SVEP1: variants seen among roughly 807,000 people sequenced by gnomAD.
SVEP1 encodes sushi, von Willebrand factor type A, EGF and pentraxin domain-containing protein 1.
SVEP1 carries 164 observed loss-of-function variants against 367.3 expected under a neutral mutation model. The ratio of observed to expected loss-of-function variants is 0.45; its 90% confidence interval spans 0.39 to 0.51. The LOEUF is 0.51. Ranked by LOEUF, SVEP1 falls within the 20% of genes least tolerant of loss-of-function variation. The pLI, the probability that SVEP1 is intolerant of heterozygous loss-of-function variation, is 0.00. For synonymous variants in SVEP1, 1,666 were observed against 1,611.6 expected, an observed-to-expected ratio of 1.03 and a Z score of -0.81; for missense variants, 4,117 against 4,425.3, an observed-to-expected ratio of 0.93 and a Z score of 1.98.
At chr9:110,457,054 C>T (rs961195577) in intron 21 of SVEP1, among the ~76,000 whole-genome samples, 6 of 152,020 alleles carry the variant, frequency 3.9e-5, no homozygotes, top group East Asian at 1.9e-4. Context: ...TATTCTTTAT[C>T]CAAAATAGGC....
intron 43 of SVEP1, 61 bp from the exon 44 acceptor site, chr9:110,379,578 T>C: frequency 6.5e-7 from 1 of 1,547,172 alleles, no homozygotes; most frequent in Admixed American, 1.9e-5. Flanking sequence ...GAACACAGTC[T>C]CATCTCTCAG....
chr9:110,514,000 A>C lies in SVEP1; in HGVS notation c.1071T>G (p.Pro357=). ...ATCCCTCTCTGCAGACACAGTCTTC[A>C]GGGGATGTGCTTCCAGGTGGAGAGG... The part of the protein sequence containing the change: ...NHTSPPGSTS[P]EDCVCREGYR... Residue 357 remains proline (P), a synonymous_variant, in exon 4 of 48, where the codon CCT becomes CCG. Transcript: ENST00000374469. 6.2e-7 allele frequency: 1 copy of C among 1,613,052 alleles called. No individual in the cohort carries two copies. Among genetic ancestry groups the C allele is most frequent in the South Asian group, 1.1e-5 (1 of 90,716 alleles).
At chr9:110,426,918 G>A (rs1315555583) in intron 36 of SVEP1, among the ~76,000 whole-genome samples, 1 of 152,088 alleles carries the variant, frequency 6.6e-6, no homozygotes, top group African/African-American at 2.4e-5. Flanking sequence ...CCTCCCTGTA[G>A]ATATGTCATC....
At chr9:110,564,543 G>A (rs549146096) in intron 1 of SVEP1, among the ~76,000 whole-genome samples, 139 of 152,092 alleles carry the variant, frequency 9.1e-4, no homozygotes, top group Non-Finnish European at 1.6e-3. Flanking sequence ...TTTTAAGTTC[G>A]TGAACTTACT....
intron 23 of SVEP1, 52 bp downstream of exon 23, chr9:110,451,237 G>A: frequency 2.2e-6 from 3 of 1,394,032 alleles, no homozygotes; most frequent in Non-Finnish European, 3.0e-6. Flanking sequence ...GTACTAATTT[G>A]TGGTGGTTTA....
At chr9:110,465,737 T>A (rs1284509468) in intron 18 of SVEP1, 128 bp downstream of exon 18, 12 of 1,236,502 alleles carry the variant, frequency 9.7e-6, no homozygotes, top group Non-Finnish European at 1.1e-6. Flanking sequence ...AAAAACCTCT[T>A]TATGAAGAGA....
In SVEP1 at chr9:110,375,470, A is replaced by T; in HGVS notation, c.10505-7T>A. 3.3e-6 allele frequency: 4 copies of T among 1,226,996 alleles called. No homozygotes were observed. Among genetic ancestry groups the T allele is most frequent in the Non-Finnish European group, 3.2e-6 (3 of 923,886 alleles). 76.0% of individuals were successfully genotyped at this position (1,226,996 alleles called of 1,614,324 possible). Reference sequence around the variant, plus strand: ...CAGGGAAGAATGCAGATTGCTAAAAAAAAAAAAAAAAAAAAAAAAAGGAGG... The same window carrying T: ...CAGGGAAGAATGCAGATTGCTAAAATAAAAAAAAAAAAAAAAAAAAGGAGG... On this transcript the variant is annotated splice_polypyrimidine_tract_variant and splice_region_variant and intron_variant, in intron 45 of 47. Coordinates refer to ENST00000374469, the MANE Select transcript of SVEP1 (RefSeq NM_153366.4).
intron 1 of SVEP1, among the ~76,000 whole-genome samples, chr9:110,572,789 C>CAAAAAAAAAAAAAAAAA (rs56077443): frequency 2.7e-4 from 21 of 76,520 alleles, no homozygotes; most frequent in Admixed American, 7.2e-4. Flanking sequence ...CTCTCTCTCA[C>CAAAAAAAAAAAAAAAAA]AAAAAAAAAA....
At chr9:110,453,360 T>C (rs1161718460) in intron 22 of SVEP1, among the ~76,000 whole-genome samples, 1 of 152,054 alleles carries the variant, frequency 6.6e-6, no homozygotes, top group Non-Finnish European at 1.5e-5. Context: ...AATTATAATG[T>C]GGGTTAACAA....
intron 40 of SVEP1, among the ~76,000 whole-genome samples, chr9:110,390,228 T>C (rs1827621494): frequency 2.2e-5 from 3 of 138,724 alleles, no homozygotes; most frequent in Admixed American, 1.5e-4. Flanking sequence ...TATATATACT[T>C]ATATAAGTAT....
rs2118489126 is a variant in SVEP1, at chr9:110,406,279, T to C, written c.9321A>G (p.Lys3107=). Residue 3107 remains lysine (K), a synonymous_variant, in exon 38 of 48, where the codon AAA becomes AAG. Transcript: ENST00000374469. ...CTGGATAAGGCTGGCTCCATACCCCTTTCTCTGTACAAATCAGATCTGAAC... is the reference window on the plus strand; with the variant it reads ...CTGGATAAGGCTGGCTCCATACCCCCTTCTCTGTACAAATCAGATCTGAAC... ...QGSSDLICTE[K]GVWSQPYPVC... is the part of the protein sequence containing the mutation. 1 of 1,614,048 alleles carries C rather than the reference T, an allele frequency of 6.2e-7. No homozygotes were observed. The highest frequency in any genetic ancestry group is 8.5e-7 in the Non-Finnish European group (1 of 1,179,896).
At chr9:110,396,675 C>G (rs1827766983) in intron 40 of SVEP1, among the ~76,000 whole-genome samples, 1 of 90,290 alleles carries the variant, frequency 1.1e-5, no homozygotes, top group African/African-American at 4.5e-5. Context: ...CACCACTGAT[C>G]CCACAGAAAT....
intron 18 of SVEP1, among the ~76,000 whole-genome samples, chr9:110,459,993 TGTTA>T (rs561425094): frequency 1.3e-3 from 196 of 152,256 alleles, no homozygotes; most frequent in Non-Finnish European, 2.4e-3. Context: ...GTGCTTTGCC[TGTTA>T]ATTTTAACTG....
intron 36 of SVEP1, among the ~76,000 whole-genome samples, chr9:110,414,801 G>C (rs185715962): frequency 6.6e-6 from 1 of 151,790 alleles, no homozygotes; most frequent in Non-Finnish European, 1.5e-5. Context: ...TATTTAAACG[G>C]CTGCAATTTA....
rs756694012 is a variant in SVEP1 at position 110,472,333 on chromosome 9, C to T, written c.2600-10G>A. 3.1e-5 allele frequency: 49 copies of T among 1,556,268 alleles called. No homozygotes were observed. The highest frequency in any genetic ancestry group is 6.3e-5 in the Admixed American group (3 of 47,396). ...CCCCAGCCACCTGGTCCTGGATAGT[C>T]GGGGCAGAGACACAAATGATCACAC... On this transcript the variant is annotated splice_polypyrimidine_tract_variant and intron_variant, in intron 14 of 47. Transcript: ENST00000374469.
intron 1 of SVEP1, among the ~76,000 whole-genome samples, chr9:110,575,284 A>C (rs1045573004): frequency 6.6e-6 from 1 of 152,094 alleles, no homozygotes. Flanking sequence ...TCTTGAGGGG[A>C]GCACTGTGTA....
At chr9:110,499,331 G>T in intron 6 of SVEP1, 93 bp from the exon 7 acceptor site, 1 of 1,173,776 alleles carries the variant, frequency 8.5e-7, no homozygotes, top group Non-Finnish European at 1.2e-6. Context: ...CAATTATGCT[G>T]CCTTAGGATT....
rs555730733 is a variant in SVEP1, at chr9:110,424,142, C to T, written c.5975+3449G>A. Among the ~76,000 whole-genome samples the T allele has an allele frequency of 4.3e-4, 66 of 152,322 alleles. 2 individuals carry two copies. The South Asian group carries it at 0.013, about 31-fold the overall frequency. On this transcript the variant is annotated intron_variant, in intron 36 of 47. Coordinates refer to ENST00000374469, the MANE Select transcript of SVEP1 (RefSeq NM_153366.4). ...CTTCCATGACTGGACAATTCCAACT[C>T]TTCGTGTCTAGGTCAGAGATGTTCT...
intron 1 of SVEP1, among the ~76,000 whole-genome samples, chr9:110,552,024 C>CTTTTTTTTTTTTTTTT (rs34366561): frequency 1.3e-5 from 1 of 77,004 alleles, no homozygotes; most frequent in African/African-American, 5.0e-5. Context: ...GGTACCCAAC[C>CTTTTTTTTTTTTTTTT]TTTTTTTTTT....
Sources: gnomAD v4.1 joint callset for allele counts (sites outside exome capture counted in the v4.1 genomes callset) on GRCh38, gnomAD v4.1.1 for gene constraint, MANE v1.5 for transcripts, NCBI Gene and HGNC (gene_info 2026-07-23, HGNC 2026-07-21) for gene names.